LGR5: variants seen among roughly 807,000 people sequenced by gnomAD.
The protein encoded by LGR5 is leucine rich repeat containing G protein-coupled receptor 5, also known as leucine-rich repeat-containing G protein-coupled receptor 5.
A neutral mutation model predicts 76.7 loss-of-function variants in LGR5; 54 were observed. That is an observed-to-expected ratio of 0.70 (90% CI 0.57 to 0.88). LGR5 has a LOEUF of 0.88. LGR5 is among the 40% of genes least tolerant of loss of function. The pLI, the probability that LGR5 is intolerant of heterozygous loss-of-function variation, is 0.00. For synonymous variants in LGR5, 406 were observed against 421.9 expected (o/e 0.96, Z 0.46); for missense variants, 1,078 against 1,073.3 (o/e 1.00, Z -0.06).
rs755042051 is a variant in LGR5, at chr12:71,553,292, A to T, written c.644+4A>T. 1.7e-5 allele frequency: 27 copies of T among 1,610,908 alleles called. No homozygotes were observed. The Admixed American group carries it at 4.3e-4, about 26-fold the overall frequency. ...ACCTCTCCAGCTTGGTAGTTCTGTAAGTTTTATTGATTTTGCTCTCTTTTA... is the reference window on the plus strand; with the variant it reads ...ACCTCTCCAGCTTGGTAGTTCTGTATGTTTTATTGATTTTGCTCTCTTTTA... On this transcript the variant is annotated splice_donor_region_variant and intron_variant, in intron 5 of 17. Transcript: ENST00000266674.
chr12:71,539,435 T>C (rs1158503234), intron 4 of LGR5, among the ~76,000 whole-genome samples: 1 of 152,158 alleles, frequency 6.6e-6, no homozygotes, highest in African/African-American at 2.4e-5. Context: ...ACAAAAGATG[T>C]TTTGTTCATA....
At chr12:71,475,846 T>C (rs1376979947) in intron 1 of LGR5, among the ~76,000 whole-genome samples, 1 of 152,198 alleles carries the variant, frequency 6.6e-6, no homozygotes. Context: ...ATAGATTTTA[T>C]ATTAAATCTG....
chr12:71,508,717 G>C (rs1024211109), intron 2 of LGR5, among the ~76,000 whole-genome samples: 2 of 131,856 alleles, frequency 1.5e-5, no homozygotes, highest in Non-Finnish European at 3.1e-5. Context: ...TGGTGCCACT[G>C]CAGTCCAGCC....
At position 71,577,903 on chromosome 12, in the gene LGR5, C is replaced by A. The variant is rs775701046; in HGVS notation, c.1209-22C>A. On this transcript the variant is annotated intron_variant, in intron 13 of 17. Coordinates refer to ENST00000266674, the MANE Select transcript of LGR5 (RefSeq NM_003667.4). ...TGTTCTTTATTCTATATAATTCTCTCATTTGCCTTTTTTTACAATAGGAAT... is the reference window on the plus strand; with the variant it reads ...TGTTCTTTATTCTATATAATTCTCTAATTTGCCTTTTTTTACAATAGGAAT... The A allele has an allele frequency of 3.3e-6, 5 of 1,518,222 alleles. No individual in the cohort carries two copies. In the South Asian group the frequency reaches 5.6e-5, roughly 17 times the overall value. 94.0% of individuals were successfully genotyped at this position (1,518,222 alleles called of 1,614,324 possible).
chr12:71,540,081 A>G lies in LGR5; in HGVS notation c.428+4895A>G, dbSNP rs570860297. On this transcript the variant is annotated intron_variant, in intron 4 of 17. Transcript: ENST00000266674. ...CATTTGAGGACTAGAATCAGATTAC[A>G]GTGATTTGATGGAAACTCAAAACTT... is the stretch of plus-strand genomic sequence containing the variant. 3.3e-5 allele frequency among the ~76,000 whole-genome samples: 5 copies of G among 152,356 alleles called. No individual in the cohort carries two copies. In the South Asian group the frequency reaches 1.0e-3, roughly 32 times the overall value.
chr12:71,539,266 C>T (rs1055216493), intron 4 of LGR5, among the ~76,000 whole-genome samples: 5 of 152,190 alleles, frequency 3.3e-5, no homozygotes, highest in Admixed American at 6.5e-5. Flanking sequence ...AAACGACTGA[C>T]GTAGATCATT....
intron 17 of LGR5, 28 bp downstream of exon 17, chr12:71,582,567 CG>C: frequency 6.7e-7 from 1 of 1,497,208 alleles, no homozygotes; most frequent in South Asian, 1.1e-5. Flanking sequence ...AATTCCTCAA[CG>C]GCAGTATCCA....
intron 3 of LGR5, among the ~76,000 whole-genome samples, chr12:71,529,131 G>T (rs143011460): frequency 6.6e-6 from 1 of 152,116 alleles, no homozygotes; most frequent in Non-Finnish European, 1.5e-5. Context: ...TTTAATAAAG[G>T]TTATTTCCTT....
chr12:71,523,442 G>A (rs920742697), intron 2 of LGR5, among the ~76,000 whole-genome samples: 2 of 151,914 alleles, frequency 1.3e-5, no homozygotes, highest in African/African-American at 4.8e-5. Flanking sequence ...CTTGAGCCTA[G>A]GAGTTCAAGG....
At chr12:71,518,416 C>T (rs1227182508) in intron 2 of LGR5, among the ~76,000 whole-genome samples, 1 of 152,054 alleles carries the variant, frequency 6.6e-6, no homozygotes, top group African/African-American at 2.4e-5. Context: ...TGAAAATTAG[C>T]GCAACCATTG....
At chr12:71,548,597 A>G (rs1565743865) in intron 4 of LGR5, among the ~76,000 whole-genome samples, 1 of 152,198 alleles carries the variant, frequency 6.6e-6, no homozygotes. Context: ...TTCACATAAT[A>G]ATATTTAAAA....
At chr12:71,504,732 T>C (rs1468966411) in intron 2 of LGR5, 47 bp downstream of exon 2, 2 of 1,414,186 alleles carry the variant, frequency 1.4e-6, no homozygotes, top group African/African-American at 2.8e-5. Context: ...ACTGGGCACA[T>C]TCTTGTGTTT....
At chr12:71,522,403 G>T (rs981859741) in intron 2 of LGR5, among the ~76,000 whole-genome samples, 2 of 152,030 alleles carry the variant, frequency 1.3e-5, no homozygotes, top group Non-Finnish European at 2.9e-5. Context: ...AAATACCTTT[G>T]CCCTGGTCAA....
upstream of LGR5, among the ~76,000 whole-genome samples, chr12:71,439,429 G>A (rs148552522): frequency 6.6e-6 from 1 of 152,104 alleles, no homozygotes; most frequent in Non-Finnish European, 1.5e-5. Context: ...CGGAGGAAAC[G>A]TGCCGCATCC....
At chr12:71,527,870 C>G (rs1022686206) in intron 3 of LGR5, among the ~76,000 whole-genome samples, 3 of 152,156 alleles carry the variant, frequency 2.0e-5, no homozygotes, top group Non-Finnish European at 4.4e-5. Context: ...CTTTGGTTGT[C>G]CAGATGATTG....
At chr12:71,514,400 C>A (rs1875327378) in intron 2 of LGR5, among the ~76,000 whole-genome samples, 2 of 152,044 alleles carry the variant, frequency 1.3e-5, no homozygotes, top group Admixed American at 6.5e-5. Context: ...AACCCCGTAT[C>A]TACTAAAAAC....
At position 71,474,028 on chromosome 12, in the gene LGR5, G is replaced by T. The variant is rs143398818; in HGVS notation, c.213-30586G>T. On this transcript the variant is annotated intron_variant, in intron 1 of 17. Coordinates refer to ENST00000266674, the MANE Select transcript of LGR5 (RefSeq NM_003667.4). The stretch of plus-strand genomic sequence containing the variant: ...TGCACTAAAATCTCTTCAAAAATGA[G>T]CCCTGGGATCTCTTTCACATCCTAT... Among the ~76,000 whole-genome samples, 21 of 152,166 alleles carry T rather than the reference G, an allele frequency of 1.4e-4. No homozygotes were observed. The East Asian group carries it at 4.1e-3, about 29-fold the overall frequency.
chr12:71,563,004 C>T (rs1565759350), intron 8 of LGR5, among the ~76,000 whole-genome samples: 1 of 152,174 alleles, frequency 6.6e-6, no homozygotes, highest in Non-Finnish European at 1.5e-5. Context: ...CTCATTAGAG[C>T]GTATTTGCGT....
chr12:71,561,885 T>A, intron 8 of LGR5, 33 bp downstream of exon 8: 1 of 1,222,070 alleles, frequency 8.2e-7, no homozygotes, highest in Non-Finnish European at 1.2e-6. Context: ...GGTTTCTCCA[T>A]CCTGAAATAT....
Sources: allele counts gnomAD v4.1 joint callset (sites outside exome capture counted in the v4.1 genomes callset), GRCh38; gene constraint gnomAD v4.1.1; transcripts MANE v1.5; gene names NCBI Gene and HGNC (gene_info 2026-07-23, HGNC 2026-07-21).